Variants in ROBO1 observed in about 807,000 individuals in gnomAD.
The protein encoded by ROBO1 is roundabout homolog 1.
ROBO1 carries 149 observed loss-of-function variants against 195.9 expected under a neutral mutation model. That is an observed-to-expected ratio of 0.76 (90% CI 0.67 to 0.87). The LOEUF (loss-of-function observed/expected upper bound fraction) is 0.87, where lower values mean the gene tolerates loss of function less well. Among genes scored for constraint, ROBO1 ranks in the 40% least tolerant of loss-of-function variants. ROBO1 has a pLI of 0.00. For synonymous variants in ROBO1, 816 were observed against 733.2 expected (o/e 1.11, Z -1.82); for missense variants, 1,933 against 2,068.3 (o/e 0.93, Z 1.27).
intron 7 of ROBO1, chr3:78,714,739 T>C (rs1237333014): frequency 4.8e-6 from 2 of 414,460 alleles, no homozygotes; most frequent in Non-Finnish European, 8.4e-6. Context: ...TAAAAGAACA[T>C]TTTGGGGTAA....
intron 3 of ROBO1, among the ~76,000 whole-genome samples, chr3:79,007,189 C>T (rs1253131206): frequency 6.6e-6 from 1 of 152,122 alleles, no homozygotes; most frequent in Non-Finnish European, 1.5e-5. Context: ...CAAAATAACT[C>T]TCTTCAAATA....
chr3:79,077,025 A>T (rs959211726), intron 3 of ROBO1, among the ~76,000 whole-genome samples: 1 of 151,930 alleles, frequency 6.6e-6, no homozygotes, highest in Non-Finnish European at 1.5e-5. Flanking sequence ...GATGGACTAT[A>T]TTCAAGGTGT....
At position 78,638,088 on chromosome 3, in the gene ROBO1, A is replaced by G. The variant is rs143935074; in HGVS notation, c.3037+1656T>C. On this transcript the variant is annotated intron_variant, in intron 22 of 30. Transcript: ENST00000464233. Reference sequence around the variant, plus strand: ...TTTTACTATTATGTTTTGGCATGAAATTTTAGCAAGATAATTTACTCACAC... The same window carrying G: ...TTTTACTATTATGTTTTGGCATGAAGTTTTAGCAAGATAATTTACTCACAC... 7.3e-3 allele frequency among the ~76,000 whole-genome samples: 1,110 copies of G among 151,856 alleles called. 9 individuals carry two copies. Among genetic ancestry groups the G allele is most frequent in the Non-Finnish European group, 0.013 (876 of 67,922 alleles).
intron 2 of ROBO1, among the ~76,000 whole-genome samples, chr3:79,191,412 G>A (rs897641478): frequency 1.3e-5 from 2 of 151,360 alleles, no homozygotes; most frequent in Non-Finnish European, 3.0e-5. Context: ...AGGGGGAAAT[G>A]TGCTCACCCA....
chr3:78,992,409 T>C (rs1364856652), intron 3 of ROBO1, among the ~76,000 whole-genome samples: 5 of 152,132 alleles, frequency 3.3e-5, no homozygotes, highest in Non-Finnish European at 5.9e-5. Flanking sequence ...CTCTCACTAT[T>C]GCTGAAAGTG....
At chr3:78,963,468 A>G (rs1224312554) in intron 3 of ROBO1, among the ~76,000 whole-genome samples, 1 of 134,922 alleles carries the variant, frequency 7.4e-6, no homozygotes, top group Non-Finnish European at 1.6e-5. Flanking sequence ...TTTTTTTTAG[A>G]GAGAAGATCC....
At chr3:78,702,807 T>A (rs1026137386) in intron 8 of ROBO1, among the ~76,000 whole-genome samples, 1 of 152,150 alleles carries the variant, frequency 6.6e-6, no homozygotes. Flanking sequence ...TAAATCACAG[T>A]AAAACTCAGA....
chr3:79,108,723 T>C (rs982114541), intron 3 of ROBO1, among the ~76,000 whole-genome samples: 2 of 151,798 alleles, frequency 1.3e-5, no homozygotes, highest in Non-Finnish European at 2.9e-5. Context: ...ATAGAGTGAA[T>C]AGACAAAGTC....
intron 2 of ROBO1, among the ~76,000 whole-genome samples, chr3:79,257,334 C>T (rs1294632371): frequency 6.6e-6 from 1 of 152,290 alleles, no homozygotes; most frequent in South Asian, 2.1e-4. Context: ...AAAAGCCCTT[C>T]TCACTTGCTA....
intron 22 of ROBO1, among the ~76,000 whole-genome samples, chr3:78,636,935 TTATA>T (rs55894934): frequency 0.19 from 18,408 of 96,360 alleles, 1,820 homozygotes; most frequent in Admixed American, 0.3. Context: ...TACATTCATT[TTATA>T]TATATATATA....
At chr3:79,488,912 T>C (rs947400337) in intron 2 of ROBO1, among the ~76,000 whole-genome samples, 1 of 152,274 alleles carries the variant, frequency 6.6e-6, no homozygotes, top group South Asian at 2.1e-4. Context: ...TTTATAACTT[T>C]TGATGAACTC....
At chr3:78,991,947 A>C (rs374724022) in intron 3 of ROBO1, among the ~76,000 whole-genome samples, 193 of 152,316 alleles carry the variant, frequency 1.3e-3, no homozygotes, top group Non-Finnish European at 1.9e-3. Context: ...ACAAAAAAAA[A>C]CCAAAATGCT....
At chr3:78,698,722 G>T (rs1245658947) in intron 8 of ROBO1, among the ~76,000 whole-genome samples, 1 of 152,188 alleles carries the variant, frequency 6.6e-6, no homozygotes, top group African/African-American at 2.4e-5. Flanking sequence ...CCCAGCTGTA[G>T]ATGAGCTATT....
chr3:79,173,549 T>A (rs1179140211), intron 2 of ROBO1, among the ~76,000 whole-genome samples: 4 of 152,062 alleles, frequency 2.6e-5, no homozygotes, highest in African/African-American at 7.2e-5. Context: ...CTGGGCCTTA[T>A]CTGCCTTCCC....
intron 2 of ROBO1, among the ~76,000 whole-genome samples, chr3:79,148,597 T>C (rs1299858052): frequency 1.3e-5 from 2 of 151,904 alleles, no homozygotes; most frequent in Admixed American, 6.6e-5. Flanking sequence ...TTGAGTTCAA[T>C]AGTCTATATT....
At chr3:78,629,765 C>A (rs1170335873) in intron 25 of ROBO1, among the ~76,000 whole-genome samples, 4 of 152,012 alleles carry the variant, frequency 2.6e-5, no homozygotes, top group Non-Finnish European at 5.9e-5. Flanking sequence ...ATTTGTAAAC[C>A]CCCAAATTGG....
At chr3:78,977,278 C>T (rs186442005) in intron 3 of ROBO1, among the ~76,000 whole-genome samples, 129 of 152,138 alleles carry the variant, frequency 8.5e-4, no homozygotes, top group Non-Finnish European at 1.6e-3. Flanking sequence ...CTGAGATTCC[C>T]ACATGCTTTG....
At chr3:78,686,284 C>T (rs369195142) in intron 9 of ROBO1, among the ~76,000 whole-genome samples, 13 of 152,120 alleles carry the variant, frequency 8.5e-5, no homozygotes, top group South Asian at 2.1e-4. Flanking sequence ...CGGCCGGGCG[C>T]GGTGGCTTAC....
At chr3:79,725,418 A>C (rs374073849) in intron 1 of ROBO1, among the ~76,000 whole-genome samples, 29 of 151,354 alleles carry the variant, frequency 1.9e-4, no homozygotes, top group Non-Finnish European at 3.2e-4. Context: ...AGTAGAGACG[A>C]GGTTTCACCG....
Sources: allele counts gnomAD v4.1 joint callset (sites outside exome capture counted in the v4.1 genomes callset), GRCh38; gene constraint gnomAD v4.1.1; transcripts MANE v1.5; gene names NCBI Gene and HGNC (gene_info 2026-07-23, HGNC 2026-07-21).